The following KAZN variants were observed in gnomAD, a reference collection of about 807,000 sequenced individuals.
KAZN encodes kazrin.
KAZN carries 40 observed loss-of-function variants against 87.4 expected under a neutral mutation model. The ratio of observed to expected loss-of-function variants is 0.46; its 90% CI spans 0.36 to 0.60. The LOEUF (loss-of-function observed/expected upper bound fraction) is 0.60, where lower values mean the gene tolerates loss of function less well. Ranked by LOEUF, KAZN falls within the 20% of genes least tolerant of loss-of-function variation. The probability of loss-of-function intolerance (pLI) is 0.00; values close to 1 mark genes in which losing one functional copy is unlikely to be tolerated. For synonymous variants in KAZN, 466 were observed against 458.3 expected (o/e 1.02, Z -0.22); for missense variants, 898 against 1,073.9 (o/e 0.84, Z 2.29).
At chr1:15,107,933 C>A (rs1641352791) in intron 13 of KAZN, among the ~76,000 whole-genome samples, 1 of 152,188 alleles carries the variant, frequency 6.6e-6, no homozygotes, top group Non-Finnish European at 1.5e-5. Flanking sequence ...CTGCTTGATA[C>A]ATAGATGCCC....
At chr1:14,479,956 C>T (rs1340051501) in intron 2 of KAZN, among the ~76,000 whole-genome samples, 1 of 152,186 alleles carries the variant, frequency 6.6e-6, no homozygotes, top group African/African-American at 2.4e-5. Flanking sequence ...AGTGACAGCC[C>T]CGGCAATAAA....
chr1:14,535,254 C>T (rs1672420477), intron 2 of KAZN, among the ~76,000 whole-genome samples: 1 of 152,188 alleles, frequency 6.6e-6, no homozygotes. Context: ...CCTGAGCCAC[C>T]CCTATGCCCC....
At chr1:13,956,290 T>A (rs186013908) in intron 1 of KAZN, among the ~76,000 whole-genome samples, 18 of 146,920 alleles carry the variant, frequency 1.2e-4, no homozygotes, top group African/African-American at 3.3e-4. Flanking sequence ...TGTTACTACA[T>A]CATTTCTTTT....
At chr1:14,943,885 A>G (rs1661425821) in intron 1 of KAZN, among the ~76,000 whole-genome samples, 2 of 152,114 alleles carry the variant, frequency 1.3e-5, no homozygotes, top group African/African-American at 4.8e-5. Flanking sequence ...CAGCCTGACC[A>G]ACATGGTGAA....
At chr1:14,385,854 T>C (rs1661831912) in intron 2 of KAZN, among the ~76,000 whole-genome samples, 1 of 148,120 alleles carries the variant, frequency 6.8e-6, no homozygotes, top group East Asian at 2.0e-4. Context: ...CTGAGTTCAA[T>C]TCCTGGGTAT....
At chr1:15,097,294 A>G (rs1447260919) in intron 10 of KAZN, among the ~76,000 whole-genome samples, 2 of 152,098 alleles carry the variant, frequency 1.3e-5, no homozygotes, top group Admixed American at 1.3e-4. Context: ...TCAGGGCTCC[A>G]TGGACTCGGG....
At chr1:14,763,667 T>C (rs1023123837) in intron 1 of KAZN, among the ~76,000 whole-genome samples, 1 of 152,238 alleles carries the variant, frequency 6.6e-6, no homozygotes, top group African/African-American at 2.4e-5. Context: ...GGCCTTTTCC[T>C]TTGGAGTAGG....
At chr1:14,226,939 G>GT (rs1379730504) in intron 2 of KAZN, among the ~76,000 whole-genome samples, 1 of 152,146 alleles carries the variant, frequency 6.6e-6, no homozygotes, top group Non-Finnish European at 1.5e-5. Flanking sequence ...AAACCTACAG[G>GT]TTGGGTACTA....
At chr1:13,901,929 G>A (rs1042159348) in intron 1 of KAZN, among the ~76,000 whole-genome samples, 17 of 152,344 alleles carry the variant, frequency 1.1e-4, no homozygotes, top group Admixed American at 4.6e-4. Context: ...TTGGTCATGG[G>A]TTCCTGAAGG....
At chr1:14,163,685 A>G (rs968297558) in intron 1 of KAZN, among the ~76,000 whole-genome samples, 1 of 152,148 alleles carries the variant, frequency 6.6e-6, no homozygotes, top group Non-Finnish European at 1.5e-5. Flanking sequence ...GAGAGAGTTT[A>G]ACAACCACAT....
At chr1:14,328,663 A>G (rs1439144732) in intron 2 of KAZN, among the ~76,000 whole-genome samples, 1 of 148,198 alleles carries the variant, frequency 6.7e-6, no homozygotes, top group Non-Finnish European at 1.5e-5. Flanking sequence ...AGATTGCACC[A>G]CTGTACTCCA....
chr1:14,778,915 C>T (rs915030174), intron 1 of KAZN, among the ~76,000 whole-genome samples: 9 of 152,198 alleles, frequency 5.9e-5, no homozygotes, highest in African/African-American at 1.7e-4. Context: ...TCCAAGGCAG[C>T]TTCACTTGTG....
chr1:14,661,665 G>T (rs868403412), intron 1 of KAZN, among the ~76,000 whole-genome samples: 1 of 95,522 alleles, frequency 1.0e-5, no homozygotes, highest in African/African-American at 4.0e-5. Context: ...TGGGGGACGG[G>T]GGGGCGGGAG....
At position 14,599,090 on chromosome 1, in the gene KAZN, G is replaced by C; in HGVS notation, c.93G>C (p.Thr31=). The C allele has an allele frequency of 1.9e-6, 3 of 1,560,134 alleles. No individual in the cohort carries two copies. The South Asian group carries it at 3.5e-5, about 18-fold the overall frequency. ...QEVTNLRAEL[T]ATNRRLAELS... ...TGACCAACCTGCGAGCCGAACTCACGGCCACCAACCGGAGACTGGCGGAAC... is the reference window on the plus strand; with the variant it reads ...TGACCAACCTGCGAGCCGAACTCACCGCCACCAACCGGAGACTGGCGGAAC... Residue 31 remains threonine (T), a synonymous_variant, in exon 1 of 15, where the codon ACG becomes ACC. Transcript: ENST00000376030. The surrounding 1 kb of genome is among the most constrained non-coding windows in gnomAD (Gnocchi z 4.4).
At chr1:14,291,217 A>T (rs1369704535) in intron 2 of KAZN, among the ~76,000 whole-genome samples, 1 of 152,186 alleles carries the variant, frequency 6.6e-6, no homozygotes, top group East Asian at 1.9e-4. Context: ...CTCTCTTCAG[A>T]GCTGTCAGAC....
chr1:14,362,934 A>G (rs1224053962), intron 2 of KAZN, among the ~76,000 whole-genome samples: 1 of 152,186 alleles, frequency 6.6e-6, no homozygotes, highest in African/African-American at 2.4e-5. Flanking sequence ...CTCAGCCTCC[A>G]TGAGGTCCCC....
At chr1:14,534,047 G>A (rs911650644) in intron 2 of KAZN, among the ~76,000 whole-genome samples, 4 of 152,052 alleles carry the variant, frequency 2.6e-5, no homozygotes, top group Non-Finnish European at 4.4e-5. Context: ...ACCGTCCTGG[G>A]GTTGAGTCCT....
chr1:14,098,266 G>A (rs1644172873), intron 1 of KAZN, among the ~76,000 whole-genome samples: 1 of 152,138 alleles, frequency 6.6e-6, no homozygotes, highest in South Asian at 2.1e-4. Context: ...GACCAGTCCT[G>A]GAACTAAGAA....
rs1369318162 is a variant in KAZN at position 14,572,198 on chromosome 1, C to G, written c.250-26785C>G. Among the ~76,000 whole-genome samples, 3 of 152,156 alleles carry G rather than the reference C, an allele frequency of 2.0e-5. No individual in the cohort carries two copies. The East Asian group carries it at 5.8e-4, about 29-fold the overall frequency. On this transcript the variant is annotated intron_variant, in intron 2 of 16. Transcript: ENST00000636203. ...TAACACTTTACATTTAAGCATGGCT[C>G]TACAGGTTATTTCAGTGGTGGCCAA...
Sources: allele counts gnomAD v4.1 joint callset (sites outside exome capture counted in the v4.1 genomes callset), GRCh38; gene constraint gnomAD v4.1.1; non-coding constraint Gnocchi (gnomAD v3.1); transcripts MANE v1.5; gene names NCBI Gene and HGNC (gene_info 2026-07-23, HGNC 2026-07-21).